The following TBC1D22B variants were observed in gnomAD, a reference collection of about 807,000 sequenced individuals.
The protein encoded by TBC1D22B is chromosome 6 open reading frame 197.
TBC1D22B carries 32 observed loss-of-function variants against 69.1 expected under a neutral mutation model. The observed-to-expected ratio is 0.46, with a 90% CI of 0.35 to 0.62. The LOEUF is 0.62. Among genes scored for constraint, TBC1D22B ranks in the 20% least tolerant of loss-of-function variants. TBC1D22B has a pLI of 0.00. For synonymous variants in TBC1D22B, 206 were observed against 229.8 expected (o/e 0.90, Z 0.94); for missense variants, 462 against 630.9 (o/e 0.73, Z 2.87).
intron 12 of TBC1D22B, among the ~76,000 whole-genome samples, chr6:37,325,488 C>T (rs942696732): frequency 5.3e-5 from 8 of 150,948 alleles, no homozygotes; most frequent in Admixed American, 2.6e-4. Context: ...TAGATAAAAG[C>T]TCCTGATTTG....
At chr6:37,269,243 G>A (rs567636046) in intron 1 of TBC1D22B, among the ~76,000 whole-genome samples, 2 of 152,278 alleles carry the variant, frequency 1.3e-5, no homozygotes, top group East Asian at 3.9e-4. Context: ...CAGGTTCAAA[G>A]GAGTCAAAAA....
chr6:37,276,370 T>G (rs1766673120), intron 2 of TBC1D22B, among the ~76,000 whole-genome samples: 1 of 152,186 alleles, frequency 6.6e-6, no homozygotes, highest in African/African-American at 2.4e-5. Context: ...GCCTCTTTCC[T>G]CAGGACAGAG....
intron 7 of TBC1D22B, among the ~76,000 whole-genome samples, chr6:37,290,656 T>C (rs1229616670): frequency 6.6e-6 from 1 of 152,132 alleles, no homozygotes; most frequent in Non-Finnish European, 1.5e-5. Flanking sequence ...TTCCTATCCT[T>C]AGCAAACATC....
chr6:37,281,283 T>G (rs139889331), intron 3 of TBC1D22B, among the ~76,000 whole-genome samples: 1 of 152,200 alleles, frequency 6.6e-6, no homozygotes, highest in Non-Finnish European at 1.5e-5. Flanking sequence ...GTTCTAAGGA[T>G]CAAATGAGAG....
At chr6:37,330,375 A>G (rs533854154) in intron 12 of TBC1D22B, among the ~76,000 whole-genome samples, 1 of 151,840 alleles carries the variant, frequency 6.6e-6, no homozygotes, top group South Asian at 2.1e-4. Flanking sequence ...AGTAGCTGTG[A>G]CTACAGGCGT....
intron 12 of TBC1D22B, among the ~76,000 whole-genome samples, chr6:37,319,359 T>G (rs1041671715): frequency 2.6e-5 from 4 of 152,122 alleles, no homozygotes; most frequent in African/African-American, 9.7e-5. Flanking sequence ...AGCATGAAGT[T>G]TAATTTAGTT....
At chr6:37,329,154 A>T (rs1353642283) in intron 12 of TBC1D22B, among the ~76,000 whole-genome samples, 4 of 152,254 alleles carry the variant, frequency 2.6e-5, no homozygotes, top group Non-Finnish European at 5.9e-5. Flanking sequence ...CACTGTGAAC[A>T]GTTTCCCACT....
chr6:37,282,796 G>C, intron 4 of TBC1D22B, 86 bp from the exon 5 acceptor site: 1 of 1,302,362 alleles, frequency 7.7e-7, no homozygotes, highest in Non-Finnish European at 1.1e-6. Flanking sequence ...TACATGGATG[G>C]AAGGAGACAT....
At chr6:37,298,671 G>A (rs948294171) in intron 8 of TBC1D22B, among the ~76,000 whole-genome samples, 4 of 149,162 alleles carry the variant, frequency 2.7e-5, no homozygotes, top group African/African-American at 7.4e-5. Context: ...TCAGCCTCCC[G>A]ATTAGCTGGG....
At chr6:37,288,883 A>T (rs149613795) in intron 7 of TBC1D22B, among the ~76,000 whole-genome samples, 1 of 151,798 alleles carries the variant, frequency 6.6e-6, no homozygotes, top group East Asian at 1.9e-4. Flanking sequence ...CATCTTTTAA[A>T]TTTTTTTTAT....
At chr6:37,317,720 A>AT (rs1406155239) in intron 12 of TBC1D22B, among the ~76,000 whole-genome samples, 3 of 152,196 alleles carry the variant, frequency 2.0e-5, no homozygotes, top group African/African-American at 7.2e-5. Flanking sequence ...ACAGGTTGCA[A>AT]TTTCGAATAA....
At chr6:37,261,415 G>T (rs2010960) in intron 1 of TBC1D22B, among the ~76,000 whole-genome samples, 1 of 137,406 alleles carries the variant, frequency 7.3e-6, no homozygotes, top group Non-Finnish European at 1.5e-5. Flanking sequence ...CTGGGCAACA[G>T]AGCAAGAGAT....
chr6:37,269,663 A>G lies in TBC1D22B; in HGVS notation c.113+13A>G, dbSNP rs770270109. 3.7e-6 allele frequency: 6 copies of G among 1,613,898 alleles called. No individual in the cohort carries two copies. Among genetic ancestry groups the G allele is most frequent in the Non-Finnish European group, 5.1e-6 (6 of 1,179,874 alleles). Reference sequence around the variant, plus strand: ...GGCTCACCAAAAAGTAAGTCAAGACATTTTCGTTTTATCTATCTACTGCTG... The same window carrying G: ...GGCTCACCAAAAAGTAAGTCAAGACGTTTTCGTTTTATCTATCTACTGCTG... On this transcript the variant is annotated intron_variant, in intron 2 of 12. Coordinates refer to ENST00000373491, the MANE Select transcript of TBC1D22B (RefSeq NM_017772.4).
chr6:37,284,870 A>G (rs994232027), intron 6 of TBC1D22B, among the ~76,000 whole-genome samples: 20 of 152,112 alleles, frequency 1.3e-4, no homozygotes, highest in African/African-American at 4.8e-4. Context: ...GTTATCGAGC[A>G]TGGAGAGGAA....
intron 9 of TBC1D22B, among the ~76,000 whole-genome samples, chr6:37,313,582 G>GCTCCTTT (rs1767992429): frequency 6.6e-6 from 1 of 152,044 alleles, no homozygotes; most frequent in Admixed American, 6.5e-5. Context: ...GGAGTAGACT[G>GCTCCTTT]CTCCTTTCTG....
intron 1 of TBC1D22B, among the ~76,000 whole-genome samples, chr6:37,261,030 C>T (rs1215523993): frequency 6.6e-6 from 1 of 152,108 alleles, no homozygotes; most frequent in Non-Finnish European, 1.5e-5. Flanking sequence ...CATGTAGTAA[C>T]TTGGTGGAAC....
At position 37,312,776 on chromosome 6, in the gene TBC1D22B, A is replaced by G. The variant is rs528849056; in HGVS notation, c.983-142A>G. On this transcript the variant is annotated intron_variant, in intron 8 of 12. Coordinates refer to ENST00000373491, the MANE Select transcript of TBC1D22B (RefSeq NM_017772.4). ...TTTGCCCACCTGACACAGACAGTAG[A>G]GGGGCAGGCCCTTGTTTCTTAACAT... is the stretch of plus-strand genomic sequence containing the variant. The G allele has an allele frequency of 2.5e-5, 16 of 643,146 alleles. No homozygotes were observed. The South Asian group carries it at 2.5e-4, about 10-fold the overall frequency. The allele number at this position is 643,146 out of a possible 1,614,324, so 39.8% of individuals were successfully genotyped here. A position where few individuals can be genotyped will look rare whatever the true frequency, so the allele number is the denominator to read the frequency against.
intron 8 of TBC1D22B, among the ~76,000 whole-genome samples, chr6:37,305,397 C>T (rs561030085): frequency 4.6e-5 from 7 of 152,302 alleles, no homozygotes; most frequent in African/African-American, 1.7e-4. Context: ...AGACGTGGAA[C>T]GTTTCTAGGA....
chr6:37,326,796 A>C (rs1191224042), intron 12 of TBC1D22B, among the ~76,000 whole-genome samples: 1 of 152,124 alleles, frequency 6.6e-6, no homozygotes. Context: ...TCAAAAAAAA[A>C]CAGAAAAAGA....
Sources: gnomAD v4.1 joint callset for allele counts (sites outside exome capture counted in the v4.1 genomes callset) on GRCh38, gnomAD v4.1.1 for gene constraint, MANE v1.5 for transcripts, NCBI Gene and HGNC (gene_info 2026-07-23, HGNC 2026-07-21) for gene names.